The following FHL2 variants were observed in gnomAD, a reference collection of about 807,000 sequenced individuals.
FHL2 encodes the protein four and a half LIM domains protein 2.
A neutral mutation model predicts 32.7 loss-of-function variants in FHL2; 20 were observed. The observed-to-expected ratio is 0.61, with a 90% CI of 0.43 to 0.89. FHL2 has a LOEUF of 0.89. Among genes scored for constraint, FHL2 ranks in the 40% least tolerant of loss-of-function variants. FHL2 has a pLI of 0.00. For missense variants in FHL2, 311 were observed against 358.6 expected (o/e 0.87, Z 1.07); for synonymous variants, 123 against 128.1 (o/e 0.96, Z 0.27).
chr2:105,414,215 C>T (rs2104659567), intron 1 of FHL2, among the ~76,000 whole-genome samples: 1 of 152,288 alleles, frequency 6.6e-6, no homozygotes, highest in South Asian at 2.1e-4. Context: ...TCTGTTTCCT[C>T]CTTGGGGTCA....
At chr2:105,384,991 A>G (rs538905353) in intron 3 of FHL2, among the ~76,000 whole-genome samples, 2 of 152,358 alleles carry the variant, frequency 1.3e-5, no homozygotes, top group African/African-American at 4.8e-5. Flanking sequence ...GTGCAGTGAG[A>G]CACGCAGCAG....
chr2:105,399,227 G>C (rs1355681392), upstream of FHL2: 13 of 1,533,794 alleles, frequency 8.5e-6, no homozygotes, highest in Admixed American at 2.4e-4. Flanking sequence ...CGTACCCTTT[G>C]TTTGCCAGGG....
chr2:105,413,345 C>T (rs182692766), intron 1 of FHL2, among the ~76,000 whole-genome samples: 21 of 152,186 alleles, frequency 1.4e-4, no homozygotes, highest in South Asian at 4.1e-4. Context: ...GTCAGACTAA[C>T]GAAACGATTT....
upstream of FHL2, among the ~76,000 whole-genome samples, chr2:105,402,110 TATATATAC>T (rs1474504433): frequency 1.3e-5 from 2 of 149,110 alleles, no homozygotes; most frequent in East Asian, 2.0e-4. Context: ...TATATACACG[TATATATAC>T]ATATATACAT....
chr2:105,424,243 A>C (rs1360918867), intron 1 of FHL2, among the ~76,000 whole-genome samples: 1 of 152,274 alleles, frequency 6.6e-6, no homozygotes, highest in Non-Finnish European at 1.5e-5. Context: ...TCTCAAAAGA[A>C]GACATTTATG....
At chr2:105,382,843 C>T (rs1191899267) in intron 3 of FHL2, among the ~76,000 whole-genome samples, 1 of 152,142 alleles carries the variant, frequency 6.6e-6, no homozygotes, top group Non-Finnish European at 1.5e-5. Context: ...TTGTTAAATG[C>T]ACAGTATTAG....
chr2:105,409,426 C>T (rs1683730626), intron 1 of FHL2, among the ~76,000 whole-genome samples: 1 of 152,156 alleles, frequency 6.6e-6, no homozygotes, highest in Non-Finnish European at 1.5e-5. Flanking sequence ...TAGGCCCTGG[C>T]ATTGCAAGCC....
At chr2:105,406,112 A>G (rs1279087748) in intron 1 of FHL2, among the ~76,000 whole-genome samples, 2 of 152,232 alleles carry the variant, frequency 1.3e-5, no homozygotes, top group Non-Finnish European at 2.9e-5. Flanking sequence ...CCTGGGAGTC[A>G]TGACAGAGCT....
At chr2:105,409,540 A>G (rs1683733705) in intron 1 of FHL2, among the ~76,000 whole-genome samples, 1 of 152,220 alleles carries the variant, frequency 6.6e-6, no homozygotes. Context: ...TAAAGGCATT[A>G]ACATAATTAA....
chr2:105,362,304 A>G (rs2576752), intron 6 of FHL2, among the ~76,000 whole-genome samples: 70,473 of 152,058 alleles, frequency 0.46, 17,091 homozygotes, highest in Non-Finnish European at 0.54. Context: ...TTTTCTTCAT[A>G]TTTTAATTTC....
upstream of FHL2, chr2:105,399,522 G>A (rs948916399): frequency 6.5e-7 from 1 of 1,536,124 alleles, no homozygotes. Context: ...GCTTCTTTAC[G>A]AAATGAACAC....
At chr2:105,366,165 G>A (rs922623658) in intron 5 of FHL2, among the ~76,000 whole-genome samples, 2 of 151,694 alleles carry the variant, frequency 1.3e-5, no homozygotes, top group South Asian at 2.1e-4. Flanking sequence ...AGCCAAGATC[G>A]AGCCACTGCA....
downstream of FHL2, chr2:105,359,261 C>G (rs1419692885): frequency 6.6e-6 from 1 of 152,140 alleles, no homozygotes; most frequent in Non-Finnish European, 1.5e-5. Flanking sequence ...TAATGAGGAA[C>G]AAGTAAGATG....
chr2:105,411,410 ATTC>A (rs1456929156), intron 1 of FHL2, among the ~76,000 whole-genome samples: 7 of 151,872 alleles, frequency 4.6e-5, no homozygotes, highest in Admixed American at 4.6e-4. Context: ...TTTTTTTCTC[ATTC>A]TTTTTCAAGC....
At chr2:105,386,238 C>T (rs954168599) in intron 3 of FHL2, 123 bp downstream of exon 3, 13 of 1,105,042 alleles carry the variant, frequency 1.2e-5, no homozygotes, top group South Asian at 4.5e-5. Context: ...GCAGGGTCCA[C>T]GCCCCTCAGA....
intron 1 of FHL2, among the ~76,000 whole-genome samples, chr2:105,429,034 G>A (rs1684343881): frequency 6.6e-6 from 1 of 152,218 alleles, no homozygotes; most frequent in Admixed American, 6.5e-5. Flanking sequence ...AGTTAACTGT[G>A]AGCCTTTGGC....
At chr2:105,404,328 G>A (rs987085258) in intron 1 of FHL2, among the ~76,000 whole-genome samples, 1 of 152,190 alleles carries the variant, frequency 6.6e-6, no homozygotes, top group African/African-American at 2.4e-5. Context: ...TGGTTGGAAG[G>A]TGAGTAAGTG....
intron 1 of FHL2, among the ~76,000 whole-genome samples, chr2:105,434,576 A>AAAAAAACAAACAAACAAAAAAAAC (rs1248137290): frequency 2.0e-5 from 3 of 152,100 alleles, no homozygotes; most frequent in African/African-American, 7.2e-5. Flanking sequence ...TCAAAAAAAA[A>AAAAAAACAAACAAACAAAAAAAAC]ACAAAACAAA....
upstream of FHL2, among the ~76,000 whole-genome samples, chr2:105,400,213 C>T (rs1683415090): frequency 6.6e-6 from 1 of 152,106 alleles, no homozygotes. Flanking sequence ...GTAACTGTGC[C>T]AGCTGAGATT....
Sources: gnomAD v4.1 joint callset for allele counts (sites outside exome capture counted in the v4.1 genomes callset) on GRCh38, gnomAD v4.1.1 for gene constraint, MANE v1.5 for transcripts, NCBI Gene and HGNC (gene_info 2026-07-23, HGNC 2026-07-21) for gene names.